Variants in PMS2 observed in about 807,000 individuals in gnomAD.
The protein encoded by PMS2 is mismatch repair endonuclease PMS2.
In PMS2, 69 loss-of-function variants were observed where a neutral mutation model predicts 90.0. The ratio of observed to expected loss-of-function variants is 0.77; its 90% CI spans 0.63 to 0.94. The LOEUF (loss-of-function observed/expected upper bound fraction) is 0.94, where lower values mean the gene tolerates loss of function less well. Among genes scored for constraint, PMS2 ranks in the 40% least tolerant of loss-of-function variants. PMS2 has a pLI of 0.00. For missense variants in PMS2, 966 were observed against 1,040.2 expected (o/e 0.93, Z 0.98); for synonymous variants, 332 against 375.1 (o/e 0.89, Z 1.33).
At chr7:5,978,520 C>T in intron 13 of PMS2, 76 bp downstream of exon 13, 1 of 1,331,688 alleles carries the variant, frequency 7.5e-7, no homozygotes, top group East Asian at 2.5e-5. Context: ...ATCTGCCCGC[C>T]TTGGCCTCCC....
rs587782602 is a variant in PMS2 at position 5,987,284 on chromosome 7, G to A, written c.1481C>T (p.Ser494Leu). The part of the protein sequence containing the change: ...PTDRAEVEKD[S>L]GHGSTSVDSE... ...ATCCACGGAAGTGCTGCCGTGCCCC[G>A]AGTCCTTCTCCACCTCCGCTCTGTC... The change falls in exon 11 of 15, where the codon TCG becomes TTG. Residue 494 changes from serine (S) to leucine (L), a missense_variant. Around this residue, in one of 2 missense-constraint regions of PMS2, gnomAD observed 871 missense variants for 802.4 expected, o/e 1.09. Transcript: ENST00000265849. 2.7e-5 allele frequency: 43 copies of A among 1,614,082 alleles called. No homozygotes were observed. Among genetic ancestry groups the A allele is most frequent in the Middle Eastern group, 1.6e-4 (1 of 6,062 alleles).
At chr7:5,996,519 C>G (rs888287232) in intron 7 of PMS2, among the ~76,000 whole-genome samples, 3 of 146,486 alleles carry the variant, frequency 2.0e-5, no homozygotes, top group Non-Finnish European at 4.5e-5. Flanking sequence ...TTGCAGTGAG[C>G]CAAGATCACG....
At chr7:5,993,694 C>T (rs1252022941) in intron 8 of PMS2, among the ~76,000 whole-genome samples, 5 of 150,424 alleles carry the variant, frequency 3.3e-5, no homozygotes, top group Non-Finnish European at 5.9e-5. Context: ...AACCCCGTAT[C>T]TACTAAAAAT....
rs1292647686 is a variant in PMS2 at position 5,972,637 on chromosome 7, G to C, written c.*762C>G. 1.3e-5 allele frequency among the ~76,000 whole-genome samples: 1 copy of C among 76,718 alleles called. No homozygotes were observed. Among genetic ancestry groups the C allele is most frequent in the Non-Finnish European group, 2.5e-5 (1 of 40,108 alleles). 50.3% of individuals were successfully genotyped at this position (76,718 alleles called of 152,430 possible). On this transcript the variant is annotated 3_prime_UTR_variant, in exon 15 of 15. Transcript: ENST00000265849. ...CATCCAGTCATTTTCTTCCAGCCGG[G>C]CAGAGAATCCCCCGTGTTTAAAAAT...
chr7:5,988,377 A>T (rs1783316834), intron 10 of PMS2, among the ~76,000 whole-genome samples: 2 of 152,118 alleles, frequency 1.3e-5, no homozygotes, highest in South Asian at 4.2e-4. Flanking sequence ...ACATGGTGAA[A>T]CCTCATCTCT....
In PMS2 at chr7:5,995,514, C is replaced by A. The variant is rs750189082; in HGVS notation, c.903+20G>T. 6.4e-7 allele frequency: 1 copy of A among 1,555,158 alleles called. No homozygotes were observed. The highest frequency in any genetic ancestry group is 8.9e-7 in the Non-Finnish European group (1 of 1,126,430). Reference sequence around the variant, plus strand: ...GTCAAAGGCATAAAGAACAAACTAACACAAAAAAATTTTAAATACCTTTGC... The same window carrying A: ...GTCAAAGGCATAAAGAACAAACTAAAACAAAAAAATTTTAAATACCTTTGC... On this transcript the variant is annotated intron_variant, in intron 8 of 14. Coordinates refer to ENST00000265849, the MANE Select transcript of PMS2 (RefSeq NM_000535.7).
intron 5 of PMS2, among the ~76,000 whole-genome samples, chr7:5,999,849 C>T (rs909898121): frequency 2.0e-5 from 3 of 152,078 alleles, no homozygotes; most frequent in Non-Finnish European, 4.4e-5. Context: ...TTTATAATCT[C>T]TCCTTTTGAA....
intron 9 of PMS2, among the ~76,000 whole-genome samples, chr7:5,991,589 C>T (rs963688363): frequency 1.3e-5 from 2 of 151,556 alleles, no homozygotes; most frequent in Admixed American, 6.6e-5. Context: ...CCTGTAATCC[C>T]AGCACTTTGG....
chr7:6,002,623 A>T lies in PMS2; in HGVS notation c.367T>A (p.Ser123Thr). The change falls in exon 5 of 15, where the codon TCT becomes ACT. Residue 123 changes from serine (S) to threonine (T), a missense_variant. Physicochemically the swap from Ser to Thr is moderately conservative, Grantham distance 58 (BLOSUM62 1). Transcript: ENST00000265849. Reference sequence around the variant, plus strand: ...ACCTTCGCCGATGCGTGGCAGGTAGAAATGGTGACATCGCTGTGAGAGAAT... The same window carrying T: ...ACCTTCGCCGATGCGTGGCAGGTAGTAATGGTGACATCGCTGTGAGAGAAT... ...SLCALSDVTI[S>T]TCHASAKVGT... The T allele has an allele frequency of 6.2e-7, 1 of 1,611,636 alleles. No individual in the cohort carries two copies. The highest frequency in any genetic ancestry group is 1.3e-5 in the African/African-American group (1 of 74,980).
intron 7 of PMS2, among the ~76,000 whole-genome samples, chr7:5,997,100 G>C (rs556653171): frequency 2.0e-5 from 3 of 151,814 alleles, no homozygotes; most frequent in Non-Finnish European, 4.4e-5. Context: ...TGTAATCCCA[G>C]CTACTCAGGA....
intron 9 of PMS2, among the ~76,000 whole-genome samples, 186 bp downstream of exon 9, chr7:5,991,787 C>T (rs142909292): frequency 0.024 from 3,588 of 151,750 alleles, 124 homozygotes; most frequent in African/African-American, 0.081. Context: ...TGCAGTGAGC[C>T]GAGATCACGC....
intron 14 of PMS2, among the ~76,000 whole-genome samples, chr7:5,976,070 C>G (rs1409328033): frequency 1.0e-4 from 15 of 144,654 alleles, no homozygotes; most frequent in African/African-American, 3.2e-4. Context: ...GAAACCCCAT[C>G]TCTATTAAAA....
rs560628137 is a variant in PMS2, at chr7:5,986,462, T to C, written c.2006+297A>G. ...ATCCCAGCACTTTGGGAGGCCAAGG[T>C]GGCTGGATCACCTGAAGTCAGGAGT... On this transcript the variant is annotated intron_variant, in intron 11 of 14. Transcript: ENST00000265849. 2.1e-3 allele frequency among the ~76,000 whole-genome samples: 316 copies of C among 152,080 alleles called. 4 individuals are homozygous for C. In the South Asian group the frequency reaches 0.044, roughly 21 times the overall value.
At chr7:6,004,715 CAAA>C (rs71008347) in intron 2 of PMS2, among the ~76,000 whole-genome samples, 6 of 96,516 alleles carry the variant, frequency 6.2e-5, no homozygotes, top group Admixed American at 1.2e-4. Flanking sequence ...AACTCTATCT[CAAA>C]AAAAAAAAAA....
Position 5,987,083 on chromosome 7 carries a change from T to C in PMS2, c.1682A>G (p.Lys561Arg), listed in dbSNP as rs876658481. The change falls in exon 11 of 15, where the codon AAA (lysine) becomes AGA (arginine). Residue 561 changes from lysine to arginine, a missense_variant. Lys to Arg is a conservative substitution (Grantham distance 26). Coordinates refer to ENST00000265849, the MANE Select transcript of PMS2 (RefSeq NM_000535.7). ...CHSNQEDTGC[K>R]FRVLPQPTNL... ...AGTTGGCTGAGGCAAAACTCGAAAT[T>C]TACATCCGGTATCTTCCTGGTTTGA... The C allele has an allele frequency of 6.2e-7, 1 of 1,614,160 alleles. No homozygotes were observed. Among genetic ancestry groups the C allele is most frequent in the Non-Finnish European group, 8.5e-7 (1 of 1,180,026 alleles).
intron 5 of PMS2, among the ~76,000 whole-genome samples, chr7:6,000,886 G>C (rs922044843): frequency 4.6e-5 from 7 of 152,126 alleles, no homozygotes; most frequent in Admixed American, 1.3e-4. Context: ...AGCTACTCGA[G>C]AGGCTGAGGC....
intron 5 of PMS2, chr7:6,002,101 C>T (rs1400668368): frequency 7.1e-6 from 2 of 281,386 alleles, no homozygotes; most frequent in South Asian, 3.6e-5. Context: ...GCAATCATAG[C>T]TCACTGCAGC....
rs587779331 is a variant in PMS2, at chr7:5,986,889, C to T, written c.1876G>A (p.Ala626Thr). ...TGATGTAACTGCTTTATTCGTTTAG[C>T]TAAAGAACTCATAGAAAAGTCCAGG... ...VPLDFSMSSL[A>T]KRIKQLHHEA... The change falls in exon 11 of 15, where the codon GCT (alanine) becomes ACT (threonine). Residue 626 changes from alanine (A) to threonine (T), a missense_variant. Around this residue, in one of 2 missense-constraint regions of PMS2, gnomAD observed 871 missense variants for 802.4 expected, o/e 1.09. Transcript: ENST00000265849. 1.2e-6 allele frequency: 2 copies of T among 1,613,944 alleles called. No individual in the cohort carries two copies. The highest frequency in any genetic ancestry group is 1.7e-6 in the Non-Finnish European group (2 of 1,180,026).
intron 5 of PMS2, among the ~76,000 whole-genome samples, chr7:6,001,800 C>G (rs1057168162): frequency 2.0e-4 from 30 of 151,922 alleles, no homozygotes; most frequent in African/African-American, 7.0e-4. Flanking sequence ...CCTGGCCAGC[C>G]TGGACAACAT....
Sources: gnomAD v4.1 joint callset for allele counts (sites outside exome capture counted in the v4.1 genomes callset) on GRCh38, gnomAD v4.1.1 for gene constraint, gnomAD v4.1.1 regional missense constraint, MANE v1.5 for transcripts, NCBI Gene and HGNC (gene_info 2026-07-23, HGNC 2026-07-21) for gene names.